The following WNT8B variants were observed in gnomAD, a reference collection of about 807,000 sequenced individuals.
WNT8B encodes the protein protein Wnt-8b.
Under a neutral mutation model 36.6 loss-of-function variants are expected in WNT8B, and 24 were observed. The ratio of observed to expected loss-of-function variants is 0.66; its 90% CI spans 0.48 to 0.92. WNT8B has a LOEUF of 0.92. Among genes scored for constraint, WNT8B ranks in the 40% least tolerant of loss-of-function variants. The probability of loss-of-function intolerance (pLI) is 0.00; values close to 1 mark genes in which losing one functional copy is unlikely to be tolerated. For synonymous variants in WNT8B, 199 were observed against 189.8 expected, an observed-to-expected ratio of 1.05 and a Z score of -0.40; for missense variants, 402 against 470.8, an observed-to-expected ratio of 0.85 and a Z score of 1.35.
At chr10:100,471,179 T>A (rs957372455) in intron 1 of WNT8B, among the ~76,000 whole-genome samples, 5 of 152,236 alleles carry the variant, frequency 3.3e-5, no homozygotes, top group Admixed American at 2.0e-4. Context: ...TAGGAGGCTA[T>A]CCATCTAGGT....
intron 1 of WNT8B, among the ~76,000 whole-genome samples, chr10:100,466,871 A>T (rs1166587416): frequency 3.3e-5 from 5 of 151,814 alleles, no homozygotes; most frequent in African/African-American, 1.2e-4. Context: ...GGCTCCAACG[A>T]TGCTTGTCTA....
At chr10:100,467,833 G>A (rs372825485) in intron 1 of WNT8B, among the ~76,000 whole-genome samples, 6 of 152,186 alleles carry the variant, frequency 3.9e-5, no homozygotes, top group Admixed American at 2.0e-4. Flanking sequence ...AGCTTCAACC[G>A]TTATCAATCT....
Position 100,463,136 on chromosome 10 carries a change from T to C in WNT8B, c.-33T>C. On this transcript the variant is annotated 5_prime_UTR_variant, in exon 1 of 6. Coordinates refer to ENST00000343737, the MANE Select transcript of WNT8B (RefSeq NM_003393.4). The stretch of plus-strand genomic sequence containing the variant: ...CTTGCTTACCCATCTCCCAGTTTTT[T>C]GGAATTTTCTCTAGCTGTTACTCCA... The C allele has an allele frequency of 6.2e-7, 1 of 1,606,238 alleles. No individual in the cohort carries two copies. The highest frequency in any genetic ancestry group is 8.5e-7 in the Non-Finnish European group (1 of 1,174,016).
intron 1 of WNT8B, among the ~76,000 whole-genome samples, chr10:100,477,980 C>T (rs1338144718): frequency 2.0e-5 from 3 of 149,438 alleles, no homozygotes; most frequent in Admixed American, 6.7e-5. Flanking sequence ...GGGGTTTTGC[C>T]ATGATGATGC....
At position 100,481,789 on chromosome 10, in the gene WNT8B, C is replaced by T. The variant is rs1458179099; in HGVS notation, c.368-123C>T. 3.6e-6 allele frequency: 5 copies of T among 1,377,020 alleles called. No individual in the cohort carries two copies. The East Asian group carries it at 7.5e-5, about 21-fold the overall frequency. The allele number at this position is 1,377,020 out of a possible 1,614,324, so 85.3% of individuals were successfully genotyped here. A position where few individuals can be genotyped will look rare whatever the true frequency, so the allele number is the denominator to read the frequency against. ...CGGCAACTGATCTGGATACAGGGCA[C>T]TCGCCCAACCTTAATCCTCTCCTAT... On this transcript the variant is annotated intron_variant, in intron 4 of 5. Coordinates refer to ENST00000343737, the MANE Select transcript of WNT8B (RefSeq NM_003393.4).
chr10:100,483,019 C>A lies in WNT8B; in HGVS notation c.*203C>A. The A allele has an allele frequency of 2.3e-5, 13 of 555,236 alleles. No homozygotes were observed. Among genetic ancestry groups the A allele is most frequent in the Admixed American group, 1.1e-4 (3 of 26,550 alleles). 34.4% of individuals were successfully genotyped at this position (555,236 alleles called of 1,614,324 possible). On this transcript the variant is annotated 3_prime_UTR_variant, in exon 6 of 6. Transcript: ENST00000343737. ...GCTCTCCTAGAGCTCTGTCTGAATC[C>A]TCGCAGCCACACCTAGGTCTGAGAA...
chr10:100,475,429 T>C (rs1564644104), intron 1 of WNT8B, among the ~76,000 whole-genome samples: 1 of 152,186 alleles, frequency 6.6e-6, no homozygotes, highest in Non-Finnish European at 1.5e-5. Flanking sequence ...ATAAGGCCTA[T>C]AGTGTTGTTC....
chr10:100,463,419 C>T lies in WNT8B; in HGVS notation c.68+183C>T, dbSNP rs183784650. ...TTTTAGTGAATCTTTAGGACCCCTACCAATAAAGGACTAAATGATGGGAGC... is the reference window on the plus strand; with the variant it reads ...TTTTAGTGAATCTTTAGGACCCCTATCAATAAAGGACTAAATGATGGGAGC... On this transcript the variant is annotated intron_variant, in intron 1 of 5. Transcript: ENST00000343737. Among the ~76,000 whole-genome samples, 4 of 152,274 alleles carry T rather than the reference C, an allele frequency of 2.6e-5. No individual in the cohort carries two copies. In the East Asian group the frequency reaches 7.7e-4, roughly 29 times the overall value.
chr10:100,463,770 A>C (rs2133647639), intron 1 of WNT8B, among the ~76,000 whole-genome samples: 1 of 152,332 alleles, frequency 6.6e-6, no homozygotes, highest in South Asian at 2.1e-4. Context: ...CATGTTTGAA[A>C]CCAGATATTT....
intron 1 of WNT8B, 42 bp from the exon 2 acceptor site, chr10:100,479,008 GTC>G (rs1564644840): frequency 1.3e-6 from 2 of 1,539,782 alleles, no homozygotes; most frequent in Non-Finnish European, 1.7e-6. Context: ...ACAAGTTGGT[GTC>G]TCTGCATTAT....
Position 100,481,936 on chromosome 10 carries a change from G to A in WNT8B, c.392G>A (p.Gly131Asp), listed in dbSNP as rs774320976. The change falls in exon 5 of 6, where the codon GGC (glycine) becomes GAC (aspartate). Residue 131 changes from glycine to aspartate, a missense_variant. Transcript: ENST00000343737. ...QLGGQGWLWG[G>D]CSDNVGFGEA... is the part of the protein sequence containing the mutation. ...GGGGGACAAGGCTGGCTGTGGGGAG[G>A]CTGCAGTGACAATGTGGGCTTCGGA... The A allele has an allele frequency of 6.2e-7, 1 of 1,614,158 alleles. No homozygotes were observed. The highest frequency in any genetic ancestry group is 1.1e-5 in the South Asian group (1 of 91,086).
intron 1 of WNT8B, among the ~76,000 whole-genome samples, chr10:100,468,306 A>G (rs778717650): frequency 6.6e-6 from 1 of 152,230 alleles, no homozygotes; most frequent in Non-Finnish European, 1.5e-5. Flanking sequence ...TGGAGTTACC[A>G]TGTACACCCA....
At chr10:100,480,769 G>A (rs530631115) in intron 3 of WNT8B, among the ~76,000 whole-genome samples, 12 of 152,198 alleles carry the variant, frequency 7.9e-5, no homozygotes, top group Non-Finnish European at 1.5e-4. Flanking sequence ...AGCTCTTTGG[G>A]AGGACGAGGT....
At chr10:100,472,472 C>G (rs1303023666) in intron 1 of WNT8B, among the ~76,000 whole-genome samples, 2 of 152,034 alleles carry the variant, frequency 1.3e-5, no homozygotes, top group African/African-American at 2.4e-5. Flanking sequence ...TTCGTGTGCA[C>G]AGAATAAACA....
intron 1 of WNT8B, among the ~76,000 whole-genome samples, chr10:100,466,615 T>A (rs1391339343): frequency 6.6e-6 from 1 of 152,104 alleles, no homozygotes; most frequent in Non-Finnish European, 1.5e-5. Context: ...TTTGTTTTAG[T>A]TTTAGTTTTT....
At chr10:100,471,801 T>A (rs893663667) in intron 1 of WNT8B, among the ~76,000 whole-genome samples, 2 of 152,194 alleles carry the variant, frequency 1.3e-5, no homozygotes, top group Non-Finnish European at 2.9e-5. Flanking sequence ...TTCTACCTCA[T>A]ATAATTGTGA....
At chr10:100,473,998 T>C (rs1476491839) in intron 1 of WNT8B, among the ~76,000 whole-genome samples, 2 of 152,194 alleles carry the variant, frequency 1.3e-5, no homozygotes, top group Non-Finnish European at 2.9e-5. Context: ...TTTACTTAGA[T>C]GGAGAAGACT....
chr10:100,464,311 A>G (rs1214064270), intron 1 of WNT8B, among the ~76,000 whole-genome samples: 1 of 152,162 alleles, frequency 6.6e-6, no homozygotes. Context: ...TATAAGCAGA[A>G]CCACCAATTA....
chr10:100,483,335 T>C lies in WNT8B; in HGVS notation c.*519T>C, dbSNP rs1483663971. On this transcript the variant is annotated 3_prime_UTR_variant, in exon 6 of 6. Transcript: ENST00000343737. ...TTTCTCTCCTCTTCTCCCTTTCCTT[T>C]CCCAGAAAAACTGAGGAAACTGGCC... The C allele has an allele frequency of 6.6e-6, 1 of 152,554 alleles. No homozygotes were observed. Among genetic ancestry groups the C allele is most frequent in the Non-Finnish European group, 1.5e-5 (1 of 68,342 alleles). The allele number at this position is 152,554 out of a possible 1,614,324, so 9.5% of individuals were successfully genotyped here. A position where few individuals can be genotyped will look rare whatever the true frequency, so the allele number is the denominator to read the frequency against.
Sources: allele counts gnomAD v4.1 joint callset (sites outside exome capture counted in the v4.1 genomes callset), GRCh38; gene constraint gnomAD v4.1.1; transcripts MANE v1.5; gene names NCBI Gene and HGNC (gene_info 2026-07-23, HGNC 2026-07-21).